NF1: variants seen among roughly 807,000 people sequenced by gnomAD.
The protein encoded by NF1 is neurofibromin.
Under a neutral mutation model 325.7 loss-of-function variants are expected in NF1, and 122 were observed. The ratio of observed to expected loss-of-function variants is 0.37; its 90% CI spans 0.32 to 0.44. The LOEUF is 0.44. Among genes scored for constraint, NF1 ranks in the 20% least tolerant of loss-of-function variants. NF1 has a pLI of 1.00. For missense variants in NF1, 2,140 were observed against 3,415.4 expected, an observed-to-expected ratio of 0.63 and a Z score of 9.31; for synonymous variants, 1,091 against 1,186.0, an observed-to-expected ratio of 0.92 and a Z score of 1.65.
chr17:31,109,317 T>A (rs1023667208), intron 1 of NF1, among the ~76,000 whole-genome samples: 6 of 152,214 alleles, frequency 3.9e-5, no homozygotes, highest in Non-Finnish European at 7.3e-5. Flanking sequence ...CTCTTCATGC[T>A]TTATGTATCT....
In NF1 at chr17:31,227,316, C is replaced by T. The variant is rs1358452475; in HGVS notation, c.2325+25C>T. The T allele has an allele frequency of 3.7e-6, 6 of 1,610,144 alleles. No homozygotes were observed. In the East Asian group the frequency reaches 1.3e-4, roughly 36 times the overall value. ...GGTATGCCCTTAGCAACAGAAACAC[C>T]CCTCCCAGGCGCCCACCCTCAATTT... is the stretch of plus-strand genomic sequence containing the variant. On this transcript the variant is annotated intron_variant, in intron 19 of 57. Transcript: ENST00000358273.
chr17:31,232,285 G>GA, intron 25 of NF1, 96 bp downstream of exon 25: 1 of 782,216 alleles, frequency 1.3e-6, no homozygotes, highest in Non-Finnish European at 2.2e-6. Flanking sequence ...ACAGGACTAG[G>GA]ATAGGAAAAT....
intron 57 of NF1, among the ~76,000 whole-genome samples, chr17:31,368,826 T>G (rs1356779753): frequency 6.6e-6 from 1 of 152,184 alleles, no homozygotes; most frequent in Non-Finnish European, 1.5e-5. Flanking sequence ...TACAACTAAA[T>G]AAGAATATTG....
chr17:31,268,837 A>C (rs1597756990), intron 36 of NF1, among the ~76,000 whole-genome samples: 1 of 151,796 alleles, frequency 6.6e-6, no homozygotes. Context: ...TAGCTGGGAC[A>C]ACAGGTGTGT....
chr17:31,270,920 CA>C (rs1165039542), intron 36 of NF1, among the ~76,000 whole-genome samples: 1 of 152,138 alleles, frequency 6.6e-6, no homozygotes, highest in African/African-American at 2.4e-5. Flanking sequence ...CCCCCATTTC[CA>C]AACCAAAATC....
At chr17:31,262,730 T>C (rs1321802146) in intron 35 of NF1, among the ~76,000 whole-genome samples, 1 of 152,218 alleles carries the variant, frequency 6.6e-6, no homozygotes, top group Non-Finnish European at 1.5e-5. Context: ...AACATAAGAA[T>C]GTATGGGTAT....
chr17:31,219,766 G>A (rs2066890699), intron 14 of NF1, among the ~76,000 whole-genome samples: 1 of 151,790 alleles, frequency 6.6e-6, no homozygotes, highest in African/African-American at 2.4e-5. Flanking sequence ...TCTATTTTCT[G>A]TCTCTATGGA....
chr17:31,142,358 A>G (rs540920965), intron 1 of NF1, among the ~76,000 whole-genome samples: 1 of 152,316 alleles, frequency 6.6e-6, no homozygotes, highest in African/African-American at 2.4e-5. Flanking sequence ...CTAACTGAAA[A>G]GAAGAGAAAC....
chr17:31,175,639 CT>C (rs2066008950), intron 5 of NF1, among the ~76,000 whole-genome samples: 1 of 152,148 alleles, frequency 6.6e-6, no homozygotes, highest in South Asian at 2.1e-4. Flanking sequence ...AACGCATCAT[CT>C]ACCTTAGGTA....
rs541027364 is a variant in NF1 at position 31,222,191 on chromosome 17, C to G, written c.1721+262C>G. Reference sequence around the variant, plus strand: ...ATAAGTACTGTTGTTTGGTATATTACTTTTTTCAGATTTCAATGTGGTTAC... The same window carrying G: ...ATAAGTACTGTTGTTTGGTATATTAGTTTTTTCAGATTTCAATGTGGTTAC... On this transcript the variant is annotated intron_variant, in intron 15 of 57. Transcript: ENST00000358273. The G allele has an allele frequency of 5.9e-4, 684 of 1,152,648 alleles. 3 individuals are homozygous for G. Among genetic ancestry groups the G allele is most frequent in the Admixed American group, 1.2e-3 (28 of 22,562 alleles). 71.4% of individuals were successfully genotyped at this position (1,152,648 alleles called of 1,614,324 possible).
Position 31,327,572 on chromosome 17 carries a change from A to G in NF1, c.5342A>G (p.Asp1781Gly), listed in dbSNP as rs1472920717. 6.2e-7 allele frequency: 1 copy of G among 1,614,204 alleles called. No homozygotes were observed. Among genetic ancestry groups the G allele is most frequent in the South Asian group, 1.1e-5 (1 of 91,092 alleles). Residue 1781 changes from aspartate (D) to glycine (G), a missense_variant, in exon 38 of 58, where the codon GAC becomes GGC. Asp to Gly is a moderately conservative substitution (Grantham distance 94). Coordinates refer to ENST00000358273, the MANE Select transcript of NF1 (RefSeq NM_001042492.3). ...KVLGQSVFLNDIYYASEIEEI... is the reference protein window; with the variant it reads ...KVLGQSVFLNGIYYASEIEEI... ...CTAGGGCAATCAGTCTTTCTAAATG[A>G]CATTTATTATGCTTCGGAAATTGAA... is the stretch of plus-strand genomic sequence containing the variant.
At chr17:31,211,832 A>C (rs1404566577) in intron 12 of NF1, among the ~76,000 whole-genome samples, 1 of 152,208 alleles carries the variant, frequency 6.6e-6, no homozygotes, top group South Asian at 2.1e-4. Context: ...TGTTGAGTGC[A>C]TGTGAAGCCT....
rs767469374 is a variant in NF1 at position 31,326,130 on chromosome 17, G to A, written c.5146G>A (p.Ala1716Thr). Residue 1716 changes from alanine (A) to threonine (T), a missense_variant, in exon 37 of 58, where the codon GCT becomes ACT. Physicochemically the swap from Ala to Thr is moderately conservative, Grantham distance 58 (BLOSUM62 0). This residue lies in a region of NF1 where 147 missense variants were observed against 186.7 expected (regional missense o/e 0.79). Transcript: ENST00000358273. ...LVFIDCPGKL[A>T]EHIEHEQQKL... Reference sequence around the variant, plus strand: ...TTTCATAGACTGTCCTGGGAAACTGGCTGAGCACATAGAGCATGAACAACA... The same window carrying A: ...TTTCATAGACTGTCCTGGGAAACTGACTGAGCACATAGAGCATGAACAACA... 1 of 1,612,906 alleles carries A rather than the reference G, an allele frequency of 6.2e-7. No homozygotes were observed. Among genetic ancestry groups the A allele is most frequent in the African/African-American group, 1.3e-5 (1 of 74,910 alleles).
chr17:31,111,169 G>A (rs905235076), intron 1 of NF1, among the ~76,000 whole-genome samples: 1 of 151,374 alleles, frequency 6.6e-6, no homozygotes, highest in Non-Finnish European at 1.5e-5. Context: ...GGCAAGACTA[G>A]AGAGCTTGTG....
chr17:31,138,565 GCT>G (rs1401935545), intron 1 of NF1: 3 of 150,638 alleles, frequency 2.0e-5, no homozygotes, highest in African/African-American at 4.9e-5. Flanking sequence ...CACCTGGCCT[GCT>G]CTCTCTATTT....
chr17:31,376,253 T>G lies in NF1; in HGVS notation c.*2098T>G. Reference sequence around the variant, plus strand: ...TGTTTTTCTTGTTTTTGTTTGTTGGTTTGGTGCATATGATAGTGGGTGTTA... The same window carrying G: ...TGTTTTTCTTGTTTTTGTTTGTTGGGTTGGTGCATATGATAGTGGGTGTTA... On this transcript the variant is annotated 3_prime_UTR_variant, in exon 58 of 58. Transcript: ENST00000358273. 4.3e-6 allele frequency: 1 copy of G among 232,894 alleles called. No individual in the cohort carries two copies. Among genetic ancestry groups the G allele is most frequent in the East Asian group, 6.0e-5 (1 of 16,570 alleles). The allele number at this position is 232,894 out of a possible 1,614,324, so 14.4% of individuals were successfully genotyped here.
intron 2 of NF1, among the ~76,000 whole-genome samples, chr17:31,158,772 T>A (rs946568007): frequency 1.3e-5 from 2 of 152,208 alleles, no homozygotes; most frequent in African/African-American, 4.8e-5. Flanking sequence ...CAAAACAGCA[T>A]CTTTTACTGT....
At chr17:31,114,030 G>A (rs1238037556) in intron 1 of NF1, among the ~76,000 whole-genome samples, 1 of 152,032 alleles carries the variant, frequency 6.6e-6, no homozygotes, top group African/African-American at 2.4e-5. Context: ...CTGTTACCTA[G>A]GGACTAAATT....
intron 1 of NF1, among the ~76,000 whole-genome samples, chr17:31,108,570 A>G (rs1913106106): frequency 6.6e-6 from 1 of 152,144 alleles, no homozygotes; most frequent in African/African-American, 2.4e-5. Flanking sequence ...GCCACTGCAC[A>G]TGGCCTAGAG....
Sources: allele counts gnomAD v4.1 joint callset (sites outside exome capture counted in the v4.1 genomes callset), GRCh38; gene constraint gnomAD v4.1.1; regional missense constraint gnomAD v4.1.1; transcripts MANE v1.5; gene names NCBI Gene and HGNC (gene_info 2026-07-23, HGNC 2026-07-21).